Variants in FBXL19 observed in about 807,000 individuals in gnomAD.
FBXL19 encodes F-box and leucine rich repeat protein 19.
Under a neutral mutation model 71.2 loss-of-function variants are expected in FBXL19, and 16 were observed. The ratio of observed to expected loss-of-function variants is 0.22; its 90% CI spans 0.15 to 0.34. The LOEUF is 0.34. Ranked by LOEUF, FBXL19 falls within the 10% of genes least tolerant of loss-of-function variation. The pLI is 1.00. For synonymous variants in FBXL19, 447 were observed against 409.4 expected (o/e 1.09, Z -1.11); for missense variants, 658 against 968.2 (o/e 0.68, Z 4.25).
intron 1 of FBXL19, chr16:30,924,715 G>GGGTATGATGGATGGGTATGAAA (rs752102705): frequency 6.7e-7 from 1 of 1,495,860 alleles, no homozygotes; most frequent in Admixed American, 2.8e-5. Context: ...AGCGCTGGAG[G>GGGTATGATGGATGGGTATGAAA]GCCCCTTAGC....
intron 2 of FBXL19, among the ~76,000 whole-genome samples, chr16:30,926,738 G>A (rs1390021736): frequency 2.0e-5 from 3 of 151,090 alleles, no homozygotes; most frequent in Non-Finnish European, 2.9e-5. Context: ...TGATCCTGCC[G>A]CATCCTTGTT....
chr16:30,927,502 C>T, intron 3 of FBXL19, 51 bp downstream of exon 3: 3 of 1,563,162 alleles, frequency 1.9e-6, no homozygotes, highest in Non-Finnish European at 2.6e-6. Context: ...TGTCAGGGAG[C>T]AGAGAGTGGG....
chr16:30,930,960 T>C lies in FBXL19; in HGVS notation c.1301+376T>C, dbSNP rs753004835. ...GTCTAGTGTGTGTCAGCCATAGCAC[T>C]GAGTGCTGTACTGCATTGTCACTTC... On this transcript the variant is annotated intron_variant, in intron 7 of 10. Coordinates refer to ENST00000338343, the MANE Select transcript of FBXL19 (RefSeq NM_001382779.1). The surrounding 1 kb of genome is among the most constrained non-coding windows in gnomAD (Gnocchi z 8.5). 1.3e-5 allele frequency among the ~76,000 whole-genome samples: 2 copies of C among 152,172 alleles called. No homozygotes were observed. The highest frequency in any genetic ancestry group is 2.4e-5 in the African/African-American group (1 of 41,434).
intron 7 of FBXL19, among the ~76,000 whole-genome samples, chr16:30,935,911 G>T (rs1184054871): frequency 6.6e-6 from 1 of 152,110 alleles, no homozygotes; most frequent in Non-Finnish European, 1.5e-5. Context: ...AGCTTTCCCT[G>T]CCTCTTGTCT....
At position 30,947,840 on chromosome 16, in the gene FBXL19, C is replaced by T. The variant is rs772663168; in HGVS notation, c.*610C>T. 2.7e-5 allele frequency: 12 copies of T among 449,914 alleles called. No individual in the cohort carries two copies. Among genetic ancestry groups the T allele is most frequent in the Non-Finnish European group, 4.5e-6 (1 of 223,920 alleles). 27.9% of individuals were successfully genotyped at this position (449,914 alleles called of 1,614,324 possible). On this transcript the variant is annotated 3_prime_UTR_variant, in exon 11 of 11. Coordinates refer to ENST00000338343, the MANE Select transcript of FBXL19 (RefSeq NM_001382779.1). The stretch of plus-strand genomic sequence containing the variant: ...TGGGGGTCACCTCTCTGCTTCCCCC[C>T]TCCCCAGGCTTCAGTTCCTTCCCCC...
At position 30,947,083 on chromosome 16, in the gene FBXL19, G is replaced by A. The variant is rs371132187; in HGVS notation, c.1878G>A (p.Pro626=). 1.1e-4 allele frequency: 177 copies of A among 1,596,334 alleles called. No individual in the cohort carries two copies. The highest frequency in any genetic ancestry group is 4.1e-4 in the East Asian group (18 of 44,316). Residue 626 remains proline (P), a synonymous_variant, in exon 11 of 11, where the codon CCG becomes CCA. Transcript: ENST00000338343. ...ACCGCCTAACGGACCACTGCCTCCC[G>A]CTGTTCCGCCGCTGCCCTCGTCTAC... ...GCHRLTDHCL[P]LFRRCPRLRR... is the part of the protein sequence containing the mutation.
chr16:30,928,250 G>A (rs1275096044), intron 5 of FBXL19, among the ~76,000 whole-genome samples: 2 of 152,044 alleles, frequency 1.3e-5, no homozygotes, highest in African/African-American at 4.8e-5. Flanking sequence ...ATGAGAGGAG[G>A]GAGGGGCTGG....
In FBXL19 at chr16:30,928,621, A is replaced by C. The variant is rs763558944; in HGVS notation, c.782A>C (p.Asn261Thr). 6.3e-7 allele frequency: 1 copy of C among 1,579,732 alleles called. No homozygotes were observed. Among genetic ancestry groups the C allele is most frequent in the Non-Finnish European group, 8.6e-7 (1 of 1,164,352 alleles). ...TGCCACCCTGGGCTCCCTCCCGAGA[A>C]CTGGGAGGTGTGCCGGGGACCTCCT... is the stretch of plus-strand genomic sequence containing the variant. ...SSCHPGLPPE[N>T]WEKPKPPLAS... The change falls in exon 6 of 11, where the codon AAC becomes ACC. Residue 261 changes from asparagine to threonine, a missense_variant. By Grantham distance (65) the Asn-to-Thr change is moderately conservative. Transcript: ENST00000338343.
chr16:30,927,979 C>T lies in FBXL19; in HGVS notation c.627+16C>T, dbSNP rs564041353. The T allele has an allele frequency of 4.8e-6, 7 of 1,447,120 alleles. No individual in the cohort carries two copies. The African/African-American group carries it at 7.6e-5, about 16-fold the overall frequency. 89.6% of individuals were successfully genotyped at this position (1,447,120 alleles called of 1,614,324 possible). On this transcript the variant is annotated intron_variant, in intron 5 of 10. Coordinates refer to ENST00000338343, the MANE Select transcript of FBXL19 (RefSeq NM_001382779.1). ...AAGGAAAAAGGTGAGCCACGGAGCA[C>T]GCTCACTAGGCTTGTCCTGAGGAAT...
chr16:30,923,481 A>T, upstream of FBXL19, among the ~76,000 whole-genome samples: 2 of 126,424 alleles, frequency 1.6e-5, no homozygotes, highest in Non-Finnish European at 1.7e-5. Context: ...AGGAGGGGGA[A>T]GGGGGCGGGG....
rs2055650693 is a variant in FBXL19, at chr16:30,930,013, T to C, written c.790-60T>C. On this transcript the variant is annotated intron_variant, in intron 6 of 10. Transcript: ENST00000338343. This position sits in a 1 kb window ranked among gnomAD's most constrained non-coding sequence, Gnocchi z 8.5. ...TTCATCCCCTGGTGACTCCTCGGGG[T>C]AGGGGGGTGGGAAAATGTATCCCAG... is the stretch of plus-strand genomic sequence containing the variant. 1 of 1,558,628 alleles carries C rather than the reference T, an allele frequency of 6.4e-7. No homozygotes were observed. The highest frequency in any genetic ancestry group is 8.7e-7 in the Non-Finnish European group (1 of 1,151,040).
intron 2 of FBXL19, 84 bp downstream of exon 2, chr16:30,926,015 C>G: frequency 7.3e-7 from 1 of 1,368,892 alleles, no homozygotes; most frequent in South Asian, 1.8e-5. Context: ...CCAGCCTGTA[C>G]TGTGGAGTGG....
rs540471645 is a variant in FBXL19, at chr16:30,930,839, GT to G, written c.1301+256del. 1.7e-4 allele frequency among the ~76,000 whole-genome samples: 26 copies of G among 152,294 alleles called. No individual in the cohort carries two copies. Among genetic ancestry groups the G allele is most frequent in the African/African-American group, 5.1e-4 (21 of 41,564 alleles). The stretch of plus-strand genomic sequence containing the variant: ...TTTTCAGATGAAGCTGAGGCCCAAG[GT>G]CATGTGGAAGAGAAGTGGTGGTAGA... On this transcript the variant is annotated intron_variant, in intron 7 of 10. Coordinates refer to ENST00000338343, the MANE Select transcript of FBXL19 (RefSeq NM_001382779.1). This position sits in a 1 kb window ranked among gnomAD's most constrained non-coding sequence, Gnocchi z 8.5.
At chr16:30,933,462 C>G (rs2055697425) in intron 7 of FBXL19, among the ~76,000 whole-genome samples, 1 of 150,436 alleles carries the variant, frequency 6.6e-6, no homozygotes, top group African/African-American at 2.4e-5. Flanking sequence ...TTTTGTTTTT[C>G]TTTTTTAGAG....
At position 30,924,692 on chromosome 16, in the gene FBXL19, G is replaced by A. The variant is rs748605395; in HGVS notation, c.-25+233G>A. On this transcript the variant is annotated intron_variant, in intron 1 of 10. Transcript: ENST00000338343. ...CCCGCCTGCAGTCGCCGCCCTCCAG[G>A]CCCCTCCCCTGGAGCGCTGGAGGGC... is the stretch of plus-strand genomic sequence containing the variant. 5 of 1,479,510 alleles carry A rather than the reference G, an allele frequency of 3.4e-6. No homozygotes were observed. The South Asian group carries it at 7.1e-5, about 21-fold the overall frequency. 91.6% of individuals were successfully genotyped at this position (1,479,510 alleles called of 1,614,324 possible).
rs565607849 is a variant in FBXL19, at chr16:30,930,456, C to A, written c.1173C>A (p.Pro391=). ...GGCCCCCGCCTCGAAGCCCTGAGCC[C>A]GACACACTCCCCTTGGCTGCTGGAT... ...VVRPPPRSPE[P]DTLPLAAGSD... Residue 391 remains proline, a synonymous_variant, in exon 7 of 11, where the codon CCC becomes CCA. Transcript: ENST00000338343. The surrounding 1 kb of genome is among the most constrained non-coding windows in gnomAD (Gnocchi z 8.5). 6.5e-7 allele frequency: 1 copy of A among 1,535,076 alleles called. No homozygotes were observed. The highest frequency in any genetic ancestry group is 8.7e-7 in the Non-Finnish European group (1 of 1,146,048).
chr16:30,945,653 A>G (rs2055849571), intron 9 of FBXL19, among the ~76,000 whole-genome samples: 1 of 136,290 alleles, frequency 7.3e-6, no homozygotes, highest in South Asian at 2.3e-4. Flanking sequence ...ACAGAGTGAG[A>G]CTCCATCTCA....
Position 30,946,789 on chromosome 16 carries a change from G to A in FBXL19, c.1687G>A (p.Glu563Lys), listed in dbSNP as rs1464933386. The A allele has an allele frequency of 6.2e-7, 1 of 1,613,456 alleles. No homozygotes were observed. The highest frequency in any genetic ancestry group is 1.7e-5 in the Admixed American group (1 of 59,968). The change falls in exon 10 of 11, where the codon GAG becomes AAG. Residue 563 changes from glutamate (E) to lysine (K), a missense_variant. Coordinates refer to ENST00000338343, the MANE Select transcript of FBXL19 (RefSeq NM_001382779.1). This position sits in a 1 kb window ranked among gnomAD's most constrained non-coding sequence, Gnocchi z 6.7. ...GVAELRLAGL[E>K]LTDASLRLLL... Reference sequence around the variant, plus strand: ...GGCAGAACTGCGTCTGGCAGGTTTGGAGCTGACAGATGCCTCCCTGCGTCT... The same window carrying A: ...GGCAGAACTGCGTCTGGCAGGTTTGAAGCTGACAGATGCCTCCCTGCGTCT...
intron 9 of FBXL19, among the ~76,000 whole-genome samples, chr16:30,943,191 T>C (rs959888678): frequency 6.6e-6 from 1 of 152,048 alleles, no homozygotes. Context: ...ATAATCCTTT[T>C]GTTTGTTTTT....
Sources: gnomAD v4.1 joint callset for allele counts (sites outside exome capture counted in the v4.1 genomes callset) on GRCh38, gnomAD v4.1.1 for gene constraint, Gnocchi (gnomAD v3.1) non-coding constraint, MANE v1.5 for transcripts, NCBI Gene and HGNC (gene_info 2026-07-23, HGNC 2026-07-21) for gene names.